Variants in PHACTR1 observed in about 807,000 individuals in gnomAD.
PHACTR1 encodes the protein RPEL repeat containing 1.
PHACTR1 carries 16 observed loss-of-function variants against 69.2 expected under a neutral mutation model. The observed-to-expected ratio is 0.23, with a 90% CI of 0.16 to 0.35. The LOEUF (loss-of-function observed/expected upper bound fraction) is 0.35. Ranked by LOEUF, PHACTR1 falls within the 10% of genes least tolerant of loss-of-function variation. The pLI is 1.00. For synonymous variants in PHACTR1, 312 were observed against 284.5 expected (o/e 1.10, Z -0.97); for missense variants, 510 against 734.7 (o/e 0.69, Z 3.54).
chr6:12,816,911 A>G (rs1220710879), intron 4 of PHACTR1, among the ~76,000 whole-genome samples: 1 of 152,204 alleles, frequency 6.6e-6, no homozygotes, highest in Non-Finnish European at 1.5e-5. Context: ...CCACAAAGAA[A>G]GGAAAAAAAC....
intron 6 of PHACTR1, among the ~76,000 whole-genome samples, chr6:13,161,647 C>T (rs1223545): frequency 0.23 from 34,756 of 152,074 alleles, 4,106 homozygotes; most frequent in South Asian, 0.45. Flanking sequence ...TCTACTACAA[C>T]GAGGCAGGTG....
chr6:13,194,186 C>A (rs552593410), intron 7 of PHACTR1, among the ~76,000 whole-genome samples: 5 of 152,110 alleles, frequency 3.3e-5, no homozygotes, highest in Non-Finnish European at 1.5e-5. Flanking sequence ...GGGCAGATCA[C>A]GAGGTCAAGA....
intron 4 of PHACTR1, among the ~76,000 whole-genome samples, chr6:12,810,894 T>C (rs921661359): frequency 6.6e-6 from 1 of 152,246 alleles, no homozygotes; most frequent in African/African-American, 2.4e-5. Flanking sequence ...AGAAAGAGCC[T>C]GCTTGGTCAC....
chr6:13,227,828 G>A lies in PHACTR1; in HGVS notation c.999G>A (p.Arg333=), dbSNP rs746424766. The A allele has an allele frequency of 2.5e-6, 4 of 1,613,818 alleles. No homozygotes were observed. In the East Asian group the frequency reaches 8.9e-5, roughly 36 times the overall value. ...TMQRLESSEQ[R]VPCSTSYHSS... ...TGTCTTTAAACAGCTCTGAGCAGCG[G>A]GTCCCCTGTTCCACTTCTTACCACA... Residue 333 remains arginine (R), a synonymous_variant, in exon 9 of 15, where the codon CGG becomes CGA. Coordinates refer to ENST00000332995, the MANE Select transcript of PHACTR1 (RefSeq NM_030948.6).
chr6:13,045,333 A>G (rs952568139), intron 4 of PHACTR1, among the ~76,000 whole-genome samples: 2 of 152,194 alleles, frequency 1.3e-5, no homozygotes, highest in Non-Finnish European at 2.9e-5. Flanking sequence ...AGACTTAGTG[A>G]CTGAAAAATG....
At position 13,286,226 on chromosome 6, in the gene PHACTR1, A is replaced by T; in HGVS notation, c.1727+4A>T. ...AATTGAGTAGACACTTAACAAGGTT[A>T]GTATTAAGGGTTTTTTTTTTCCTTT... is the stretch of plus-strand genomic sequence containing the variant. On this transcript the variant is annotated splice_donor_region_variant and intron_variant, in intron 14 of 14. Coordinates refer to ENST00000332995, the MANE Select transcript of PHACTR1 (RefSeq NM_030948.6). The T allele has an allele frequency of 6.3e-7, 1 of 1,584,956 alleles. No individual in the cohort carries two copies. Among genetic ancestry groups the T allele is most frequent in the Non-Finnish European group, 8.6e-7 (1 of 1,167,270 alleles).
At chr6:12,755,906 T>G (rs1767259020) in intron 4 of PHACTR1, among the ~76,000 whole-genome samples, 1 of 152,140 alleles carries the variant, frequency 6.6e-6, no homozygotes. Flanking sequence ...ACAAAATATC[T>G]CTTTGGAATT....
At chr6:13,007,010 A>G (rs1236084491) in intron 4 of PHACTR1, among the ~76,000 whole-genome samples, 2 of 152,228 alleles carry the variant, frequency 1.3e-5, no homozygotes, top group Non-Finnish European at 2.9e-5. Context: ...TATTTGTTTC[A>G]CAAAAATGAG....
rs938190407 is a variant in PHACTR1, at chr6:12,964,625, C to T, written c.251-88740C>T. ...AGATGCATTGAAAAGAATTTGAATA[C>T]CAAGCCCAGAAGTGACATGGTCAGA... On this transcript the variant is annotated intron_variant, in intron 4 of 14. Coordinates refer to ENST00000332995, the MANE Select transcript of PHACTR1 (RefSeq NM_030948.6). 2.0e-5 allele frequency among the ~76,000 whole-genome samples: 3 copies of T among 152,202 alleles called. No homozygotes were observed. In the East Asian group the frequency reaches 5.8e-4, roughly 29 times the overall value.
At chr6:13,164,712 G>A (rs1371042282) in intron 6 of PHACTR1, among the ~76,000 whole-genome samples, 1 of 152,182 alleles carries the variant, frequency 6.6e-6, no homozygotes, top group Non-Finnish European at 1.5e-5. Context: ...AGTGATTTGA[G>A]AGTCGTAATT....
intron 4 of PHACTR1, among the ~76,000 whole-genome samples, chr6:12,994,667 C>T (rs148497875): frequency 1.4e-3 from 218 of 152,054 alleles, no homozygotes; most frequent in Non-Finnish European, 2.6e-3. Context: ...GGCTTAAGAG[C>T]GCTCAGTCTG....
intron 4 of PHACTR1, among the ~76,000 whole-genome samples, chr6:12,827,255 G>A (rs1776908511): frequency 6.6e-6 from 1 of 152,090 alleles, no homozygotes; most frequent in African/African-American, 2.4e-5. Flanking sequence ...AGGCAAATTC[G>A]CTCAATTGTA....
chr6:13,274,613 C>T (rs1778501563), intron 11 of PHACTR1: 2 of 152,230 alleles, frequency 1.3e-5, no homozygotes, highest in Non-Finnish European at 1.5e-5. Context: ...GTGCTTATCA[C>T]ACCAGGAGTA....
At chr6:12,745,446 T>C (rs1276082502) in intron 3 of PHACTR1, among the ~76,000 whole-genome samples, 2 of 152,162 alleles carry the variant, frequency 1.3e-5, no homozygotes, top group African/African-American at 4.8e-5. Context: ...AAAAACTACA[T>C]TTAGAAGTCA....
chr6:12,773,432 A>G (rs1391631742), intron 4 of PHACTR1, among the ~76,000 whole-genome samples: 1 of 152,118 alleles, frequency 6.6e-6, no homozygotes, highest in Non-Finnish European at 1.5e-5. Flanking sequence ...ATCTAGCCTC[A>G]CCTGATTCAC....
intron 4 of PHACTR1, among the ~76,000 whole-genome samples, chr6:12,946,876 A>G (rs1790735411): frequency 7.0e-6 from 1 of 143,248 alleles, no homozygotes; most frequent in Non-Finnish European, 1.5e-5. Flanking sequence ...GCAGTGGCAC[A>G]ATCTCGGCTC....
chr6:12,861,306 G>A (rs1032384535), intron 4 of PHACTR1, among the ~76,000 whole-genome samples: 2 of 152,198 alleles, frequency 1.3e-5, no homozygotes, highest in African/African-American at 4.8e-5. Context: ...CAAAAGGGAG[G>A]TTGCACTGTG....
At chr6:13,278,119 G>A (rs1004134439) in intron 11 of PHACTR1, 149 bp from the exon 12 acceptor site, 2 of 667,552 alleles carry the variant, frequency 3.0e-6, no homozygotes, top group Non-Finnish European at 5.0e-6. Flanking sequence ...TCCCCATAAG[G>A]AGAAGGGCAG....
intron 8 of PHACTR1, among the ~76,000 whole-genome samples, chr6:13,223,299 G>A (rs2127290534): frequency 6.6e-6 from 1 of 152,260 alleles, no homozygotes; most frequent in African/African-American, 2.4e-5. Flanking sequence ...TTTTCTTTAA[G>A]GAACCAGATA....
Sources: gnomAD v4.1 joint callset for allele counts (sites outside exome capture counted in the v4.1 genomes callset) on GRCh38, gnomAD v4.1.1 for gene constraint, MANE v1.5 for transcripts, NCBI Gene and HGNC (gene_info 2026-07-23, HGNC 2026-07-21) for gene names.